The following OSTM1 variants were observed in gnomAD, a reference collection of about 807,000 sequenced individuals.
The protein encoded by OSTM1 is osteopetrosis-associated transmembrane protein 1.
Under a neutral mutation model 35.4 loss-of-function variants are expected in OSTM1, and 26 were observed. The observed-to-expected ratio is 0.73, with a 90% CI of 0.54 to 1.02. OSTM1 has a LOEUF of 1.02. Ranked by LOEUF, OSTM1 falls within the 50% of genes least tolerant of loss-of-function variation. OSTM1 has a pLI of 0.00. For synonymous variants in OSTM1, 181 were observed against 165.0 expected (o/e 1.10, Z -0.75); for missense variants, 366 against 409.6 (o/e 0.89, Z 0.92).
intron 5 of OSTM1, among the ~76,000 whole-genome samples, chr6:108,047,667 C>T (rs552876708): frequency 1.8e-4 from 28 of 151,916 alleles, no homozygotes; most frequent in Non-Finnish European, 3.1e-4. Context: ...GGGAGAGAGA[C>T]GGACTAAGCA....
intron 5 of OSTM1, among the ~76,000 whole-genome samples, chr6:108,045,120 C>T (rs905318463): frequency 6.6e-6 from 1 of 151,882 alleles, no homozygotes; most frequent in Non-Finnish European, 1.5e-5. Context: ...ATGTAATGTA[C>T]GTGAAATAAA....
Position 108,069,492 on chromosome 6 carries a change from T to G in OSTM1, c.402+4758A>C, listed in dbSNP as rs181659164. Among the ~76,000 whole-genome samples, 5 of 152,282 alleles carry G rather than the reference T, an allele frequency of 3.3e-5. No homozygotes were observed. In the East Asian group the frequency reaches 7.7e-4, roughly 23 times the overall value. Reference sequence around the variant, plus strand: ...ACACAGATACATAGATAGATAGAGATAGATAGGTAGATGGATGGATCTATA... The same window carrying G: ...ACACAGATACATAGATAGATAGAGAGAGATAGGTAGATGGATGGATCTATA... On this transcript the variant is annotated intron_variant, in intron 1 of 5. Coordinates refer to ENST00000193322, the MANE Select transcript of OSTM1 (RefSeq NM_014028.4).
At chr6:108,066,210 T>C (rs998002124) in intron 1 of OSTM1, among the ~76,000 whole-genome samples, 1 of 152,096 alleles carries the variant, frequency 6.6e-6, no homozygotes. Context: ...GAATACATCT[T>C]TAGGCCGTGA....
chr6:108,050,858 C>T (rs945286932), intron 4 of OSTM1, among the ~76,000 whole-genome samples, 173 bp downstream of exon 4: 2 of 152,074 alleles, frequency 1.3e-5, no homozygotes, highest in African/African-American at 4.8e-5. Flanking sequence ...AGGAAATATC[C>T]ATTTTGGTTT....
At chr6:108,064,856 G>A (rs1374967235) in intron 1 of OSTM1, among the ~76,000 whole-genome samples, 1 of 152,180 alleles carries the variant, frequency 6.6e-6, no homozygotes, top group Admixed American at 6.5e-5. Context: ...TAAAAGAGTG[G>A]TAACTCCTGG....
chr6:108,056,352 T>C (rs1296052015), intron 2 of OSTM1, among the ~76,000 whole-genome samples: 1 of 152,240 alleles, frequency 6.6e-6, no homozygotes, highest in African/African-American at 2.4e-5. Flanking sequence ...GTCTGATTCT[T>C]GAGCCTGCAC....
At chr6:108,073,900 C>T (rs1341588472) in intron 1 of OSTM1, 10 of 346,322 alleles carry the variant, frequency 2.9e-5, no homozygotes, top group Non-Finnish European at 5.4e-5. Flanking sequence ...GTGTCTCCAC[C>T]CCACTTGTTT....
In OSTM1 at chr6:108,042,717, T is replaced by C. The variant is rs556640183; in HGVS notation, c.*2068A>G. The C allele has an allele frequency of 6.6e-6, 1 of 152,294 alleles. No individual in the cohort carries two copies. The highest frequency in any genetic ancestry group is 2.1e-4 in the South Asian group (1 of 4,824). The allele number at this position is 152,294 out of a possible 1,614,324, so 9.4% of individuals were successfully genotyped here. ...ATGAGACACTGTGTCCAGCTGATGG[T>C]ACTCATAAAAGTAGGCATCTAAACT... On this transcript the variant is annotated 3_prime_UTR_variant, in exon 6 of 6. Coordinates refer to ENST00000193322, the MANE Select transcript of OSTM1 (RefSeq NM_014028.4).
chr6:108,064,884 A>C (rs1200523100), intron 1 of OSTM1, among the ~76,000 whole-genome samples: 1 of 152,210 alleles, frequency 6.6e-6, no homozygotes, highest in Admixed American at 6.5e-5. Context: ...ATGGTCAGTC[A>C]TGTGGGAGAA....
At chr6:108,067,413 A>G (rs1268481994) in intron 1 of OSTM1, among the ~76,000 whole-genome samples, 1 of 152,076 alleles carries the variant, frequency 6.6e-6, no homozygotes, top group Non-Finnish European at 1.5e-5. Context: ...CCTCCTACAG[A>G]ATCTTCACTT....
At chr6:108,070,869 A>G (rs1238334587) in intron 1 of OSTM1, among the ~76,000 whole-genome samples, 5 of 147,832 alleles carry the variant, frequency 3.4e-5, no homozygotes, top group Non-Finnish European at 7.5e-5. Context: ...CAGCCTGGGT[A>G]ACAAGAGGGA....
chr6:108,063,267 T>C (rs554294748), intron 2 of OSTM1, among the ~76,000 whole-genome samples: 4 of 152,340 alleles, frequency 2.6e-5, no homozygotes, highest in Admixed American at 6.5e-5. Flanking sequence ...CAATTCTGCC[T>C]TGGCTTCCCA....
chr6:108,051,624 T>C (rs1380888561), intron 3 of OSTM1, among the ~76,000 whole-genome samples: 1 of 152,102 alleles, frequency 6.6e-6, no homozygotes, highest in Non-Finnish European at 1.5e-5. Flanking sequence ...ATAAAATAGG[T>C]TCCTGCCTAT....
intron 1 of OSTM1, among the ~76,000 whole-genome samples, chr6:108,073,020 C>T (rs1188611253): frequency 1.3e-5 from 2 of 152,230 alleles, no homozygotes; most frequent in East Asian, 1.9e-4. Flanking sequence ...ATGTTGGCCA[C>T]GCTAGTCTCC....
chr6:108,065,754 C>T (rs549252954), intron 1 of OSTM1, among the ~76,000 whole-genome samples: 1 of 152,322 alleles, frequency 6.6e-6, no homozygotes, highest in South Asian at 2.1e-4. Context: ...AGCTACCATG[C>T]TGCCAACCTG....
chr6:108,072,654 G>GAAAAAAA, intron 1 of OSTM1, among the ~76,000 whole-genome samples: 1 of 130,276 alleles, frequency 7.7e-6, no homozygotes, highest in African/African-American at 2.9e-5. Context: ...AAAGAAAAAA[G>GAAAAAAA]AAAAAAAAAA....
intron 4 of OSTM1, among the ~76,000 whole-genome samples, chr6:108,050,378 T>G (rs78561398): frequency 1.4e-5 from 2 of 145,348 alleles, no homozygotes; most frequent in African/African-American, 2.6e-5. Context: ...TTTTTTTTTT[T>G]TTTGAGACGG....
At chr6:108,072,356 A>G (rs1418640798) in intron 1 of OSTM1, among the ~76,000 whole-genome samples, 1 of 152,184 alleles carries the variant, frequency 6.6e-6, no homozygotes, top group Non-Finnish European at 1.5e-5. Flanking sequence ...GTCCTTGGCC[A>G]GGTGTGGTGG....
At chr6:108,045,506 A>AG (rs200621933) in intron 5 of OSTM1, among the ~76,000 whole-genome samples, 4 of 151,912 alleles carry the variant, frequency 2.6e-5, no homozygotes, top group African/African-American at 9.7e-5. Flanking sequence ...TGGGAAAAAA[A>AG]AAAAACAAAA....
Sources: allele counts gnomAD v4.1 joint callset (sites outside exome capture counted in the v4.1 genomes callset), GRCh38; gene constraint gnomAD v4.1.1; transcripts MANE v1.5; gene names NCBI Gene and HGNC (gene_info 2026-07-23, HGNC 2026-07-21).